Variants in MTA3 observed in about 807,000 individuals in gnomAD.
MTA3 encodes the protein metastasis-associated protein MTA3.
Under a neutral mutation model 83.5 loss-of-function variants are expected in MTA3, and 34 were observed. The ratio of observed to expected loss-of-function variants is 0.41; its 90% CI spans 0.31 to 0.54. The LOEUF (loss-of-function observed/expected upper bound fraction) is 0.54. MTA3 is among the 20% of genes least tolerant of loss of function. The pLI is 0.33. For missense variants in MTA3, 761 were observed against 726.4 expected (o/e 1.05, Z -0.55); for synonymous variants, 303 against 252.7 (o/e 1.20, Z -1.89).
chr2:42,748,526 T>G (rs901526296), intron 16 of MTA3, among the ~76,000 whole-genome samples: 107 of 152,200 alleles, frequency 7.0e-4, no homozygotes, highest in Non-Finnish European at 2.1e-4. Context: ...AGATTTTGTA[T>G]TTTTCAGTTT....
intron 16 of MTA3, among the ~76,000 whole-genome samples, chr2:42,724,000 T>C (rs1332938017): frequency 6.6e-6 from 1 of 152,184 alleles, no homozygotes; most frequent in Admixed American, 6.5e-5. Flanking sequence ...TGTTAAGATA[T>C]GGTTGTCAAG....
intron 8 of MTA3, among the ~76,000 whole-genome samples, chr2:42,676,631 T>C (rs191997059): frequency 6.6e-6 from 1 of 152,110 alleles, no homozygotes; most frequent in Non-Finnish European, 1.5e-5. Context: ...CTGGGCATTG[T>C]GGCATGCACC....
chr2:42,620,264 G>A (rs1253124266), intron 4 of MTA3, among the ~76,000 whole-genome samples: 2 of 151,824 alleles, frequency 1.3e-5, no homozygotes, highest in Non-Finnish European at 2.9e-5. Flanking sequence ...AATTACAGAT[G>A]TGCACTGCCA....
chr2:42,655,476 A>G (rs1689080985), intron 6 of MTA3, among the ~76,000 whole-genome samples: 1 of 152,148 alleles, frequency 6.6e-6, no homozygotes, highest in African/African-American at 2.4e-5. Context: ...TTTCTTACCT[A>G]GCTTGAAATG....
chr2:42,557,112 T>C (rs1156596522), intron 2 of MTA3, among the ~76,000 whole-genome samples: 1 of 152,006 alleles, frequency 6.6e-6, no homozygotes, highest in Non-Finnish European at 1.5e-5. Flanking sequence ...GTGAGGTGGC[T>C]CACGCCTGTA....
chr2:42,641,728 T>C (rs1202161522), intron 5 of MTA3, among the ~76,000 whole-genome samples: 1 of 151,946 alleles, frequency 6.6e-6, no homozygotes, highest in African/African-American at 2.4e-5. Flanking sequence ...TAACCGGGCG[T>C]GGTGGCGCAT....
At chr2:42,698,950 T>C (rs780901674) in intron 11 of MTA3, among the ~76,000 whole-genome samples, 33 of 152,222 alleles carry the variant, frequency 2.2e-4, no homozygotes, top group Non-Finnish European at 4.7e-4. Flanking sequence ...GAGCCACTTC[T>C]CAAATAAAAT....
At chr2:42,555,238 G>T (rs1408496564) in intron 2 of MTA3, among the ~76,000 whole-genome samples, 1 of 151,250 alleles carries the variant, frequency 6.6e-6, no homozygotes, top group Non-Finnish European at 1.5e-5. Flanking sequence ...CCTAGGCGGT[G>T]GATTAACTGA....
chr2:42,533,380 C>G (rs898245511), intron 2 of MTA3: 3 of 151,616 alleles, frequency 2.0e-5, no homozygotes, highest in Non-Finnish European at 4.4e-5. Flanking sequence ...TGAGCAACAG[C>G]GCCTGGCCAA....
chr2:42,548,833 T>TATATATATATAATATATATATA, intron 2 of MTA3, among the ~76,000 whole-genome samples: 1 of 11,516 alleles, frequency 8.7e-5, no homozygotes, highest in African/African-American at 2.5e-4. Context: ...ATATATAATA[T>TATATATATATAATATATATATA]ATATATATAT....
intron 4 of MTA3, among the ~76,000 whole-genome samples, chr2:42,618,265 G>A (rs1168703710): frequency 2.0e-5 from 3 of 151,860 alleles, no homozygotes; most frequent in Admixed American, 6.6e-5. Flanking sequence ...CCCTTTCCTA[G>A]TAGTAAAAAC....
chr2:42,599,058 C>T (rs1453446043), intron 3 of MTA3, among the ~76,000 whole-genome samples: 4 of 152,172 alleles, frequency 2.6e-5, no homozygotes, highest in African/African-American at 4.8e-5. Flanking sequence ...TTTTTAACTT[C>T]GTTTGCTAGT....
At position 42,579,305 on chromosome 2, in the gene MTA3, A is replaced by G. The variant is rs113469576; in HGVS notation, c.190+105A>G. The G allele has an allele frequency of 3.8e-3, 3,016 of 804,052 alleles. 32 individuals are homozygous for G. The highest frequency in any genetic ancestry group is 0.034 in the African/African-American group (1,927 of 57,210). 49.8% of individuals were successfully genotyped at this position (804,052 alleles called of 1,614,324 possible). On this transcript the variant is annotated intron_variant, in intron 3 of 16. Transcript: ENST00000405094. ...CCTGAAGTCTTTTGCTTGTCCATTT[A>G]TCTTCTTTGTAGTTTTGATGGGAGT...
intron 4 of MTA3, among the ~76,000 whole-genome samples, chr2:42,630,814 AT>A (rs1686600493): frequency 6.6e-6 from 1 of 152,166 alleles, no homozygotes; most frequent in African/African-American, 2.4e-5. Context: ...TTATTTCTTC[AT>A]ATTTCTCCAT....
At chr2:42,607,244 T>A (rs995249313) in intron 3 of MTA3, among the ~76,000 whole-genome samples, 7 of 152,178 alleles carry the variant, frequency 4.6e-5, no homozygotes, top group Non-Finnish European at 1.5e-5. Flanking sequence ...ATCAGTTAAC[T>A]GTAGAGTAGA....
upstream of MTA3, among the ~76,000 whole-genome samples, chr2:42,566,762 T>G (rs1467833790): frequency 2.6e-5 from 4 of 152,100 alleles, no homozygotes; most frequent in African/African-American, 4.8e-5. Flanking sequence ...TATGAAAAAT[T>G]AATGGGAAAA....
At chr2:42,549,297 T>A (rs373236921) in intron 2 of MTA3, among the ~76,000 whole-genome samples, 16 of 127,878 alleles carry the variant, frequency 1.3e-4, no homozygotes, top group Admixed American at 3.8e-4. Context: ...ATAATGTATA[T>A]GTACACGTAT....
intron 5 of MTA3, among the ~76,000 whole-genome samples, chr2:42,642,627 G>C (rs980328521): frequency 6.7e-5 from 10 of 149,796 alleles, no homozygotes; most frequent in African/African-American, 2.5e-4. Flanking sequence ...ATCATCCCCT[G>C]TAGCTTTGTT....
intron 16 of MTA3, among the ~76,000 whole-genome samples, chr2:42,729,380 C>A (rs545828432): frequency 6.6e-6 from 1 of 152,012 alleles, no homozygotes; most frequent in South Asian, 2.1e-4. Flanking sequence ...GGATTACAGG[C>A]GTGAGCCACT....
Sources: gnomAD v4.1 joint callset for allele counts (sites outside exome capture counted in the v4.1 genomes callset) on GRCh38, gnomAD v4.1.1 for gene constraint, MANE v1.5 for transcripts, NCBI Gene and HGNC (gene_info 2026-07-23, HGNC 2026-07-21) for gene names.